Variants in MBD5 observed in about 807,000 individuals in gnomAD.
The protein encoded by MBD5 is methyl-CpG binding domain protein 5, also known as methyl-CpG-binding domain protein 5.
A neutral mutation model predicts 117.3 loss-of-function variants in MBD5; 13 were observed. The observed-to-expected ratio is 0.11, with a 90% CI of 0.07 to 0.18. The LOEUF (loss-of-function observed/expected upper bound fraction) is 0.18, where lower values mean the gene tolerates loss of function less well. MBD5 is among the 10% of genes least tolerant of loss of function. The pLI is 1.00. For missense variants in MBD5, 1,879 were observed against 2,093.8 expected (o/e 0.90, Z 2.00); for synonymous variants, 727 against 766.4 (o/e 0.95, Z 0.85).
intron 4 of MBD5, among the ~76,000 whole-genome samples, chr2:148,406,828 T>G (rs1705093294): frequency 6.6e-6 from 1 of 152,198 alleles, no homozygotes; most frequent in Admixed American, 6.5e-5. Flanking sequence ...CTTCCTACGG[T>G]CAGCTTCTTT....
chr2:148,466,662 T>G (rs1707270191), intron 7 of MBD5, among the ~76,000 whole-genome samples: 1 of 152,172 alleles, frequency 6.6e-6, no homozygotes, highest in Non-Finnish European at 1.5e-5. Flanking sequence ...AAAAATCTCT[T>G]TTTAACAAGA....
chr2:148,155,891 G>T (rs142494049), intron 1 of MBD5, among the ~76,000 whole-genome samples: 1 of 152,136 alleles, frequency 6.6e-6, no homozygotes, highest in Non-Finnish European at 1.5e-5. Context: ...TTATGAGTGC[G>T]AACTCTCCAG....
At chr2:148,230,962 T>C (rs1457141740) in intron 2 of MBD5, among the ~76,000 whole-genome samples, 1 of 152,154 alleles carries the variant, frequency 6.6e-6, no homozygotes, top group Non-Finnish European at 1.5e-5. Flanking sequence ...TCTCCTTAAA[T>C]GGAGTGAGTG....
intron 9 of MBD5, among the ~76,000 whole-genome samples, chr2:148,484,662 G>A (rs1161673682): frequency 6.6e-6 from 1 of 152,126 alleles, no homozygotes. Flanking sequence ...AAGTTCAAGG[G>A]AACAGACAGC....
intron 4 of MBD5, among the ~76,000 whole-genome samples, chr2:148,422,116 G>A (rs2105270257): frequency 6.6e-6 from 1 of 152,280 alleles, no homozygotes; most frequent in East Asian, 1.9e-4. Flanking sequence ...GTGGGTCCCT[G>A]ACCCCCATGT....
chr2:148,454,237 G>A (rs1231941871), intron 4 of MBD5, among the ~76,000 whole-genome samples: 1 of 152,086 alleles, frequency 6.6e-6, no homozygotes, highest in South Asian at 2.1e-4. Flanking sequence ...GAAAATATTT[G>A]GAATCAGTGC....
At chr2:148,276,606 G>T (rs1371469928) in intron 3 of MBD5, among the ~76,000 whole-genome samples, 1 of 152,080 alleles carries the variant, frequency 6.6e-6, no homozygotes, top group East Asian at 1.9e-4. Context: ...ATTTAACATT[G>T]ATACAACATT....
intron 2 of MBD5, among the ~76,000 whole-genome samples, chr2:148,215,074 A>G (rs1405409421): frequency 6.6e-6 from 1 of 152,204 alleles, no homozygotes; most frequent in East Asian, 1.9e-4. Context: ...AGGATTGCAC[A>G]TTAATTTCCT....
intron 2 of MBD5, among the ~76,000 whole-genome samples, chr2:148,218,926 A>G (rs1699618920): frequency 6.6e-6 from 1 of 152,192 alleles, no homozygotes; most frequent in Non-Finnish European, 1.5e-5. Context: ...TAGACTTTAT[A>G]AATAATGTAG....
chr2:148,345,896 C>T (rs1198185695), intron 4 of MBD5: 3 of 151,798 alleles, frequency 2.0e-5, no homozygotes, highest in Non-Finnish European at 4.4e-5. Context: ...CTAGGCCTGT[C>T]TCTCCTTTTC....
chr2:148,459,115 A>T (rs1403370471), intron 5 of MBD5, among the ~76,000 whole-genome samples: 1 of 152,176 alleles, frequency 6.6e-6, no homozygotes, highest in Non-Finnish European at 1.5e-5. Context: ...GATTTCTAAA[A>T]GAAACATGCA....
At chr2:148,194,779 A>G (rs71350078) in intron 2 of MBD5, among the ~76,000 whole-genome samples, 26 of 26,398 alleles carry the variant, frequency 9.8e-4, no homozygotes, top group Non-Finnish European at 2.0e-3. Flanking sequence ...AAAAAAAATT[A>G]AAAAAAAAAA....
At position 148,201,173 on chromosome 2, in the gene MBD5, C is replaced by T. The variant is rs188734307; in HGVS notation, c.-831+22380C>T. Among the ~76,000 whole-genome samples the T allele has an allele frequency of 1.9e-4, 29 of 152,276 alleles. No individual in the cohort carries two copies. The East Asian group carries it at 3.3e-3, about 17-fold the overall frequency. On this transcript the variant is annotated intron_variant, in intron 2 of 13. Transcript: ENST00000642680. ...GGCTTGCCCCCCAGCATGGATCCCA[C>T]GGCTCCTGCAACTGCGTGCTCAGTC...
At chr2:148,056,428 G>A (rs1306638501) in intron 1 of MBD5, among the ~76,000 whole-genome samples, 1 of 151,888 alleles carries the variant, frequency 6.6e-6, no homozygotes, top group Admixed American at 6.6e-5. Flanking sequence ...TACGTTCCAG[G>A]TGTTACCTTT....
intron 2 of MBD5, among the ~76,000 whole-genome samples, chr2:148,184,977 A>G (rs1698618734): frequency 6.6e-6 from 1 of 152,230 alleles, no homozygotes; most frequent in Non-Finnish European, 1.5e-5. Flanking sequence ...ACGGTTTAGT[A>G]GGAAAGGGCA....
At chr2:148,225,247 C>T (rs1240685435) in intron 2 of MBD5, among the ~76,000 whole-genome samples, 2 of 152,026 alleles carry the variant, frequency 1.3e-5, no homozygotes, top group African/African-American at 2.4e-5. Context: ...AAGAGGTTTG[C>T]AAATACTATC....
intron 11 of MBD5, among the ~76,000 whole-genome samples, chr2:148,490,998 C>A (rs1294162233): frequency 6.6e-6 from 1 of 152,148 alleles, no homozygotes; most frequent in Non-Finnish European, 1.5e-5. Flanking sequence ...GGTAAGGACC[C>A]CCCAGGCAAT....
intron 3 of MBD5, among the ~76,000 whole-genome samples, chr2:148,324,976 A>G (rs952471962): frequency 2.6e-5 from 4 of 152,184 alleles, no homozygotes; most frequent in African/African-American, 7.2e-5. Flanking sequence ...TGGGTTTGTC[A>G]TAGATAGCTC....
intron 4 of MBD5, among the ~76,000 whole-genome samples, chr2:148,448,692 A>G (rs1224232664): frequency 6.6e-6 from 1 of 152,046 alleles, no homozygotes; most frequent in Non-Finnish European, 1.5e-5. Context: ...TAAATACACC[A>G]TTTGGTGTAT....
Sources: allele counts gnomAD v4.1 joint callset (sites outside exome capture counted in the v4.1 genomes callset), GRCh38; gene constraint gnomAD v4.1.1; transcripts MANE v1.5; gene names NCBI Gene and HGNC (gene_info 2026-07-23, HGNC 2026-07-21).